The following PTGER3 variants were observed in gnomAD, a reference collection of about 807,000 sequenced individuals.
The protein encoded by PTGER3 is prostaglandin E receptor 3, also known as prostaglandin E2 receptor EP3 subtype.
In PTGER3, 22 loss-of-function variants were observed where a neutral mutation model predicts 34.7. That is an observed-to-expected ratio of 0.63 (90% CI 0.45 to 0.91). PTGER3 has a LOEUF of 0.91. Ranked by LOEUF, PTGER3 falls within the 40% of genes least tolerant of loss-of-function variation. The probability of loss-of-function intolerance (pLI) is 0.00; values close to 1 mark genes in which losing one functional copy is unlikely to be tolerated. For synonymous variants in PTGER3, 241 were observed against 230.1 expected (o/e 1.05, Z -0.43); for missense variants, 468 against 519.4 (o/e 0.90, Z 0.96).
At chr1:70,959,195 T>C (rs920810628) in intron 2 of PTGER3, among the ~76,000 whole-genome samples, 4 of 152,204 alleles carry the variant, frequency 2.6e-5, no homozygotes, top group African/African-American at 9.7e-5. Context: ...TTGTTTTTTC[T>C]ATTTCTGTGA....
chr1:70,929,924 C>A (rs1281659348), intron 4 of PTGER3, among the ~76,000 whole-genome samples: 2 of 152,088 alleles, frequency 1.3e-5, no homozygotes, highest in Non-Finnish European at 2.9e-5. Flanking sequence ...CTATATTACT[C>A]AAAAAATATA....
Position 70,971,189 on chromosome 1 carries a change from T to C in PTGER3, c.*541A>G. ...ACAGGGACACAACATCTCTAAAACA[T>C]TAATCATAATTGGGCACAAATATTT... On this transcript the variant is annotated 3_prime_UTR_variant, in exon 4 of 4. Coordinates refer to ENST00000306666, the MANE Select transcript of PTGER3 (RefSeq NM_198719.2). 1 of 985,418 alleles carries C rather than the reference T, an allele frequency of 1.0e-6. No individual in the cohort carries two copies. Among genetic ancestry groups the C allele is most frequent in the Non-Finnish European group, 1.2e-6 (1 of 829,940 alleles). The allele number at this position is 985,418 out of a possible 1,614,324, so 61.0% of individuals were successfully genotyped here.
intron 2 of PTGER3, chr1:71,006,301 G>C: frequency 1.0e-6 from 1 of 985,400 alleles, no homozygotes; most frequent in Non-Finnish European, 1.2e-6. Flanking sequence ...TACTTTTAAT[G>C]AGCTTGACTT....
At chr1:70,867,036 G>T (rs1004528083) in intron 4 of PTGER3, among the ~76,000 whole-genome samples, 1 of 152,204 alleles carries the variant, frequency 6.6e-6, no homozygotes, top group Non-Finnish European at 1.5e-5. Flanking sequence ...TGCCTTTACA[G>T]TTGTATATCT....
At chr1:71,040,470 G>A (rs527669944) in intron 1 of PTGER3, among the ~76,000 whole-genome samples, 55 of 152,122 alleles carry the variant, frequency 3.6e-4, no homozygotes, top group Admixed American at 1.4e-3. Context: ...AGCAGGGCAT[G>A]TGGTGGTGCA....
chr1:70,974,282 G>A lies in PTGER3; in HGVS notation c.1169+15C>T. On this transcript the variant is annotated intron_variant, in intron 3 of 3. Coordinates refer to ENST00000306666, the MANE Select transcript of PTGER3 (RefSeq NM_198719.2). ...GAAGGCTATGCTATAAATCCCGGCAGTTTCTAAATCTCACCTTTCCAAATG... is the reference window on the plus strand; with the variant it reads ...GAAGGCTATGCTATAAATCCCGGCAATTTCTAAATCTCACCTTTCCAAATG... 4 of 1,612,562 alleles carry A rather than the reference G, an allele frequency of 2.5e-6. No homozygotes were observed. Among genetic ancestry groups the A allele is most frequent in the Non-Finnish European group, 3.4e-6 (4 of 1,179,010 alleles).
At chr1:70,983,057 G>C (rs1654542256) in intron 2 of PTGER3, among the ~76,000 whole-genome samples, 2 of 151,990 alleles carry the variant, frequency 1.3e-5, no homozygotes, top group African/African-American at 4.8e-5. Context: ...AATAAAAAAA[G>C]GAGGCTCCCC....
chr1:70,945,285 G>A (rs1035222937), intron 4 of PTGER3, among the ~76,000 whole-genome samples: 5 of 152,084 alleles, frequency 3.3e-5, no homozygotes, highest in East Asian at 1.9e-4. Flanking sequence ...AAACACACCC[G>A]TGTTGTTCTT....
At chr1:70,907,130 G>A (rs1341967494) in intron 4 of PTGER3, among the ~76,000 whole-genome samples, 1 of 152,178 alleles carries the variant, frequency 6.6e-6, no homozygotes, top group Admixed American at 6.5e-5. Context: ...TGGTAGAAAA[G>A]TTCAAATATT....
At chr1:70,895,908 C>G (rs959260061) in intron 4 of PTGER3, among the ~76,000 whole-genome samples, 1 of 152,150 alleles carries the variant, frequency 6.6e-6, no homozygotes, top group Admixed American at 6.5e-5. Flanking sequence ...TCACAGATCC[C>G]TAGTGGTTGG....
intron 2 of PTGER3, among the ~76,000 whole-genome samples, chr1:70,996,146 T>A (rs1655919017): frequency 6.6e-6 from 1 of 152,180 alleles, no homozygotes; most frequent in Non-Finnish European, 1.5e-5. Flanking sequence ...TGAAATGACG[T>A]CTTCAGGGAA....
chr1:70,917,401 TTTTGTGTG>T (rs1270560907), intron 4 of PTGER3, among the ~76,000 whole-genome samples: 2 of 98,130 alleles, frequency 2.0e-5, no homozygotes, highest in African/African-American at 7.2e-5. Context: ...TAGTATTTTA[TTTTGTGTG>T]TGTGTGTGTG....
intron 1 of PTGER3, among the ~76,000 whole-genome samples, chr1:71,017,033 C>T (rs1001674137): frequency 1.3e-5 from 2 of 152,060 alleles, no homozygotes; most frequent in African/African-American, 4.8e-5. Context: ...TAATGCCCCT[C>T]CTGCCACACA....
intron 3 of PTGER3, 61 bp downstream of exon 3, chr1:70,974,236 G>T: frequency 1.3e-6 from 2 of 1,594,512 alleles, no homozygotes; most frequent in South Asian, 2.3e-5. Flanking sequence ...CATCAACTCC[G>T]ATTAGAACAG....
chr1:70,956,616 C>G (rs189728689), intron 2 of PTGER3, among the ~76,000 whole-genome samples: 1 of 152,218 alleles, frequency 6.6e-6, no homozygotes, highest in East Asian at 1.9e-4. Flanking sequence ...CCTTTAGAGG[C>G]TTCTAAAGCA....
chr1:70,992,032 C>T (rs1209587673), intron 2 of PTGER3, among the ~76,000 whole-genome samples: 1 of 152,202 alleles, frequency 6.6e-6, no homozygotes, highest in South Asian at 2.1e-4. Context: ...CATTTTAGCT[C>T]ATTTGATGTT....
intron 3 of PTGER3, among the ~76,000 whole-genome samples, chr1:70,973,411 T>C (rs1653349546): frequency 2.0e-5 from 3 of 152,140 alleles, no homozygotes; most frequent in Admixed American, 1.3e-4. Context: ...GCACACTATA[T>C]ATCTCTATTG....
chr1:70,956,624 G>A (rs1234718848), intron 2 of PTGER3, among the ~76,000 whole-genome samples: 1 of 152,168 alleles, frequency 6.6e-6, no homozygotes, highest in Non-Finnish European at 1.5e-5. Context: ...GGCTTCTAAA[G>A]CACCAAGATG....
chr1:70,885,878 T>C (rs1646487772), intron 4 of PTGER3, among the ~76,000 whole-genome samples: 1 of 152,224 alleles, frequency 6.6e-6, no homozygotes, highest in Non-Finnish European at 1.5e-5. Flanking sequence ...AAAGGAGCTT[T>C]CAAAGGGGAT....
Sources: allele counts gnomAD v4.1 joint callset (sites outside exome capture counted in the v4.1 genomes callset), GRCh38; gene constraint gnomAD v4.1.1; transcripts MANE v1.5; gene names NCBI Gene and HGNC (gene_info 2026-07-23, HGNC 2026-07-21).